DPPA4: variants seen among roughly 807,000 people sequenced by gnomAD.
The protein encoded by DPPA4 is developmental pluripotency associated 4.
In DPPA4, 22 loss-of-function variants were observed where a neutral mutation model predicts 33.7. The observed-to-expected ratio is 0.65, with a 90% CI of 0.47 to 0.93. The LOEUF is 0.93. Among genes scored for constraint, DPPA4 ranks in the 40% least tolerant of loss-of-function variants. The pLI is 0.00. For missense variants in DPPA4, 340 were observed against 358.6 expected (o/e 0.95, Z 0.42); for synonymous variants, 156 against 132.3 (o/e 1.18, Z -1.23).
In DPPA4 at chr3:109,330,333, G is replaced by GA. The variant is rs5851663; in HGVS notation, c.679+190dup. The GA allele has an allele frequency of 4.5e-3, 1,857 of 408,476 alleles. 3 individuals are homozygous for GA. The highest frequency in any genetic ancestry group is 6.0e-3 in the Non-Finnish European group (1,381 of 228,580). 25.3% of individuals were successfully genotyped at this position (408,476 alleles called of 1,614,324 possible). A position where few individuals can be genotyped will look rare whatever the true frequency, so the allele number is the denominator to read the frequency against. On this transcript the variant is annotated intron_variant, in intron 5 of 6. Coordinates refer to ENST00000335658, the MANE Select transcript of DPPA4 (RefSeq NM_018189.4). ...AAAAAAAAAAAAAAAAAAAAAAAAG[G>GA]AAAAAAAAAAAAGAAATGCAAATAA...
intron 4 of DPPA4, 85 bp downstream of exon 4, chr3:109,331,649 G>A (rs942333346): frequency 7.1e-6 from 9 of 1,264,606 alleles, no homozygotes; most frequent in Non-Finnish European, 9.2e-6. Context: ...AACAAGGTGA[G>A]GCTAAGACAG....
Position 109,327,078 on chromosome 3 carries a change from A to T in DPPA4, c.*910T>A, listed in dbSNP as rs985085159. On this transcript the variant is annotated 3_prime_UTR_variant, in exon 7 of 7. Transcript: ENST00000335658. ...AACTCCAGAAATATACAAAACAATTATAAGTGAAATAATACAAAGTCCCTT... is the reference window on the plus strand; with the variant it reads ...AACTCCAGAAATATACAAAACAATTTTAAGTGAAATAATACAAAGTCCCTT... The T allele has an allele frequency of 6.6e-6, 1 of 152,202 alleles. No homozygotes were observed. The highest frequency in any genetic ancestry group is 1.5e-5 in the Non-Finnish European group (1 of 68,058). The allele number at this position is 152,202 out of a possible 1,614,324, so 9.4% of individuals were successfully genotyped here. A position where few individuals can be genotyped will look rare whatever the true frequency, so the allele number is the denominator to read the frequency against.
chr3:109,337,580 C>T (rs371723536), upstream of DPPA4: 855 of 1,470,524 alleles, frequency 5.8e-4, 3 homozygotes, highest in Non-Finnish European at 7.6e-4. Context: ...CTTCCTGCCG[C>T]CCGAAGACCC....
intron 2 of DPPA4, among the ~76,000 whole-genome samples, chr3:109,332,959 G>A (rs892623800): frequency 6.6e-6 from 1 of 152,162 alleles, no homozygotes; most frequent in Non-Finnish European, 1.5e-5. Flanking sequence ...GGTGGCACAT[G>A]CCTGTAATCC....
intron 4 of DPPA4, among the ~76,000 whole-genome samples, chr3:109,331,048 TG>T (rs1380908978): frequency 3.3e-5 from 5 of 151,300 alleles, no homozygotes; most frequent in Admixed American, 6.6e-5. Flanking sequence ...GAGGCCAAGG[TG>T]GGTGAAACAC....
At chr3:109,328,748 T>C in intron 6 of DPPA4, 142 bp downstream of exon 6, 1 of 767,846 alleles carries the variant, frequency 1.3e-6, no homozygotes, top group Non-Finnish European at 2.1e-6. Flanking sequence ...TAAACTTAAC[T>C]GAGTAATAAT....
chr3:109,333,960 G>C lies in DPPA4; in HGVS notation c.88C>G (p.Gln30Glu), dbSNP rs1390892886. Residue 30 changes from glutamine (Q) to glutamate (E), a missense_variant, in exon 2 of 7, where the codon CAG (glutamine) becomes GAG (glutamate). Coordinates refer to ENST00000335658, the MANE Select transcript of DPPA4 (RefSeq NM_018189.4). The part of the protein sequence containing the change: ...TSTEKSREED[Q>E]QASNQPNSIA... Reference sequence around the variant, plus strand: ...GAATTTGGTTGATTAGAAGCCTGCTGATCCTCTTCCCTCGACTTCTCTGTG... The same window carrying C: ...GAATTTGGTTGATTAGAAGCCTGCTCATCCTCTTCCCTCGACTTCTCTGTG... 1 of 1,614,062 alleles carries C rather than the reference G, an allele frequency of 6.2e-7. No homozygotes were observed. The highest frequency in any genetic ancestry group is 8.5e-7 in the Non-Finnish European group (1 of 1,180,034).
chr3:109,331,843 C>T lies in DPPA4; in HGVS notation c.339+28G>A, dbSNP rs62276083. 3.1e-6 allele frequency: 5 copies of T among 1,613,524 alleles called. No individual in the cohort carries two copies. The South Asian group carries it at 5.5e-5, about 18-fold the overall frequency. ...ATAAGGTTCCTACCCTTCCTCCCAGCAGCACCGTCCCCAGCCTGGGACCTC... is the reference window on the plus strand; with the variant it reads ...ATAAGGTTCCTACCCTTCCTCCCAGTAGCACCGTCCCCAGCCTGGGACCTC... On this transcript the variant is annotated intron_variant, in intron 3 of 6. Coordinates refer to ENST00000335658, the MANE Select transcript of DPPA4 (RefSeq NM_018189.4).
rs914941956 is a variant in DPPA4 at position 109,326,192 on chromosome 3, T to C, written c.*1796A>G. The C allele has an allele frequency of 6.6e-6, 1 of 150,676 alleles. No homozygotes were observed. The highest frequency in any genetic ancestry group is 1.5e-5 in the Non-Finnish European group (1 of 68,034). The allele number at this position is 150,676 out of a possible 1,614,324, so 9.3% of individuals were successfully genotyped here. A position where few individuals can be genotyped will look rare whatever the true frequency, so the allele number is the denominator to read the frequency against. On this transcript the variant is annotated 3_prime_UTR_variant, in exon 7 of 7. Coordinates refer to ENST00000335658, the MANE Select transcript of DPPA4 (RefSeq NM_018189.4). ...TTGTATATAGAGAAATTTAAGTTTA[T>C]TGAAATGTGTTAGAAGCAGGGGAAG...
At chr3:109,331,146 C>T (rs1214178991) in intron 4 of DPPA4, among the ~76,000 whole-genome samples, 1 of 150,756 alleles carries the variant, frequency 6.6e-6, no homozygotes, top group African/African-American at 2.4e-5. Context: ...GGCATGGTGG[C>T]TCATGCTTGT....
At chr3:109,332,391 G>A (rs1469594877) in intron 2 of DPPA4, among the ~76,000 whole-genome samples, 6 of 152,030 alleles carry the variant, frequency 3.9e-5, no homozygotes, top group Admixed American at 1.3e-4. Context: ...CTAAGCCACC[G>A]CGCCCAGCCT....
chr3:109,336,471 A>G (rs1399578508), intron 1 of DPPA4: 1 of 152,048 alleles, frequency 6.6e-6, no homozygotes, highest in Admixed American at 6.6e-5. Context: ...ATTGTTCCCA[A>G]TGTCTGGCTT....
intron 4 of DPPA4, 61 bp from the exon 5 acceptor site, chr3:109,330,873 C>CTAAGGGT (rs11282843): frequency 0.58 from 843,573 of 1,446,074 alleles, 257,113 homozygotes; most frequent in East Asian, 1. Context: ...CAAAAATGGC[C>CTAAGGGT]TAAGGAGCTC....
intron 4 of DPPA4, 146 bp downstream of exon 4, chr3:109,331,588 A>AAAAG: frequency 3.4e-6 from 2 of 584,896 alleles, no homozygotes. Context: ...AAGAAAAAAA[A>AAAAG]GAGAAGTAGA....
chr3:109,328,767 A>T, intron 6 of DPPA4, 123 bp downstream of exon 6: 1 of 912,392 alleles, frequency 1.1e-6, no homozygotes, highest in East Asian at 2.7e-5. Flanking sequence ...ATTTTCTTGA[A>T]ACTCTTTACT....
At chr3:109,335,619 G>A (rs1708177465) in intron 1 of DPPA4, among the ~76,000 whole-genome samples, 1 of 151,750 alleles carries the variant, frequency 6.6e-6, no homozygotes, top group South Asian at 2.1e-4. Context: ...AGTAGAGATG[G>A]GGGTTTCACC....
chr3:109,330,758 A>G lies in DPPA4; in HGVS notation c.445T>C (p.Leu149=). 6.2e-7 allele frequency: 1 copy of G among 1,612,826 alleles called. No homozygotes were observed. The highest frequency in any genetic ancestry group is 8.5e-7 in the Non-Finnish European group (1 of 1,179,560). Residue 149 remains leucine, a synonymous_variant, in exon 5 of 7, where the codon TTA becomes CTA. Coordinates refer to ENST00000335658, the MANE Select transcript of DPPA4 (RefSeq NM_018189.4). Reference sequence around the variant, plus strand: ...GACGTTTCCCCCTTTTCCACCTTTAATTTTTTTTGCAATGATTTCCGGATT... The same window carrying G: ...GACGTTTCCCCCTTTTCCACCTTTAGTTTTTTTTGCAATGATTTCCGGATT... The part of the protein sequence containing the change: ...AKIRKSLQKK[L]KVEKGETSLQ...
chr3:109,329,023 G>C lies in DPPA4; in HGVS notation c.745C>G (p.Gln249Glu). The change falls in exon 6 of 7, where the codon CAG becomes GAG. Residue 249 changes from glutamine to glutamate, a missense_variant. This residue lies in a region of DPPA4 where 212 missense variants were observed against 206.5 expected (regional missense o/e 1.03). Transcript: ENST00000335658. Reference protein sequence around the residue: ...PADTDGWVHLQFHAGQAWVPE... With the variant: ...PADTDGWVHLEFHAGQAWVPE... ...ACCCAGGCTTGACCAGCATGAAACT[G>C]CAGGTGAACCCAACCATCTGTGTCT... 6.2e-7 allele frequency: 1 copy of C among 1,614,122 alleles called. No individual in the cohort carries two copies. The highest frequency in any genetic ancestry group is 8.5e-7 in the Non-Finnish European group (1 of 1,180,032).
chr3:109,336,932 T>C (rs1708226900), intron 1 of DPPA4, among the ~76,000 whole-genome samples: 1 of 152,148 alleles, frequency 6.6e-6, no homozygotes, highest in African/African-American at 2.4e-5. Flanking sequence ...GGAGTTTCGC[T>C]CTGGTTGCCC....
Sources: allele counts gnomAD v4.1 joint callset (sites outside exome capture counted in the v4.1 genomes callset), GRCh38; gene constraint gnomAD v4.1.1; regional missense constraint gnomAD v4.1.1; transcripts MANE v1.5; gene names NCBI Gene and HGNC (gene_info 2026-07-23, HGNC 2026-07-21).